AMMECR1: variants seen among roughly 807,000 people sequenced by gnomAD.
AMMECR1 encodes nuclear protein AMMECR1.
Under a neutral mutation model 22.5 loss-of-function variants are expected in AMMECR1, and 3 were observed. That is an observed-to-expected ratio of 0.13 (90% CI 0.06 to 0.35). The LOEUF (loss-of-function observed/expected upper bound fraction) is 0.35. AMMECR1 is among the 10% of genes least tolerant of loss of function. AMMECR1 has a pLI of 1.00. For missense variants in AMMECR1, 235 were observed against 278.7 expected, an observed-to-expected ratio of 0.84 and a Z score of 1.12; for synonymous variants, 130 against 116.7, an observed-to-expected ratio of 1.11 and a Z score of -0.74.
At chrX:110,307,192 G>A (rs1385676440) in intron 1 of AMMECR1, 1 of 106,627 alleles carries the variant, frequency 9.4e-6, no homozygotes, top group Admixed American at 1.0e-4. Flanking sequence ...GTTGCAGTGA[G>A]CCGAAATCAT....
intron 2 of AMMECR1, among the ~76,000 whole-genome samples, chrX:110,426,361 C>T (rs761529466): frequency 9.8e-5 from 11 of 111,974 alleles, no homozygotes; most frequent in East Asian, 8.4e-4. Context: ...TTATCCCATC[C>T]ATCATTCCTG....
At chrX:110,214,811 T>C (rs2067465412) in intron 3 of AMMECR1, among the ~76,000 whole-genome samples, 1 of 111,428 alleles carries the variant, frequency 9.0e-6, no homozygotes, top group Non-Finnish European at 1.9e-5. Context: ...TCATCCCCCT[T>C]GGATCTCAGG....
chrX:110,243,943 A>T (rs1167587665), intron 2 of AMMECR1, among the ~76,000 whole-genome samples: 1 of 112,165 alleles, frequency 8.9e-6, no homozygotes, highest in Non-Finnish European at 1.9e-5. Context: ...AATTCAGAAA[A>T]AGATAATCTA....
intron 1 of AMMECR1, among the ~76,000 whole-genome samples, chrX:110,310,310 C>T (rs2068018046): frequency 8.9e-6 from 1 of 111,753 alleles, no homozygotes; most frequent in Non-Finnish European, 1.9e-5. Context: ...GTTCCCCAGG[C>T]TTATGAACTC....
chrX:110,414,890 C>A (rs1449544835), intron 2 of AMMECR1, among the ~76,000 whole-genome samples: 2 of 112,245 alleles, frequency 1.8e-5, no homozygotes, highest in Non-Finnish European at 3.8e-5. Context: ...CTACCACTTG[C>A]CCATGCAGTC....
chrX:110,291,921 T>G (rs1404392685), intron 1 of AMMECR1, among the ~76,000 whole-genome samples: 1 of 111,817 alleles, frequency 8.9e-6, no homozygotes, highest in Non-Finnish European at 1.9e-5. Context: ...AATACTACAA[T>G]TTTAATGCCC....
rs139352119 is a variant in AMMECR1, at chrX:110,300,068, T to C, written c.473+17531A>G. On this transcript the variant is annotated intron_variant, in intron 1 of 5. Transcript: ENST00000262844. ...AAGTGAGATTGCTGGATTGATCATA[T>C]AGTAGTTCTATTTCCAATTTTCTGA... Among the ~76,000 whole-genome samples the C allele has an allele frequency of 7.0e-3, 792 of 112,417 alleles. 5 individuals carry two copies. The highest frequency in any genetic ancestry group is 0.012 in the Non-Finnish European group (646 of 53,164).
At chrX:110,422,003 T>C (rs1459569859) in intron 2 of AMMECR1, among the ~76,000 whole-genome samples, 3 of 113,227 alleles carry the variant, frequency 2.6e-5, no homozygotes, top group Non-Finnish European at 5.6e-5. Flanking sequence ...TTGGTATTTG[T>C]TTTATTCTAA....
chrX:110,303,396 A>C (rs762325258), intron 1 of AMMECR1, among the ~76,000 whole-genome samples: 2 of 111,933 alleles, frequency 1.8e-5, no homozygotes, highest in South Asian at 7.5e-4. Flanking sequence ...TCTGTGAAAA[A>C]TGAAGTTGAA....
chrX:110,379,051 C>A (rs2068399502), intron 2 of AMMECR1, among the ~76,000 whole-genome samples: 1 of 112,120 alleles, frequency 8.9e-6, no homozygotes, highest in East Asian at 2.8e-4. Flanking sequence ...ATTTTTCTCA[C>A]TACTCAAATA....
At chrX:110,349,573 C>T (rs1001890799) in intron 2 of AMMECR1, among the ~76,000 whole-genome samples, 7 of 111,758 alleles carry the variant, frequency 6.3e-5, no homozygotes, top group African/African-American at 2.3e-4. Context: ...GAATTTCAAC[C>T]TGGATTTATC....
chrX:110,198,783 G>GT (rs1377291430), intron 5 of AMMECR1, 149 bp from the exon 6 acceptor site: 19 of 439,786 alleles, frequency 4.3e-5, no homozygotes, highest in Non-Finnish European at 7.2e-5. Flanking sequence ...CACAGAGATA[G>GT]TAAGTAGCAA....
chrX:110,265,970 C>A (rs901304976), intron 1 of AMMECR1, among the ~76,000 whole-genome samples: 3 of 111,527 alleles, frequency 2.7e-5, no homozygotes, highest in African/African-American at 9.8e-5. Context: ...CTAAGAGTTA[C>A]CATCTTCCAA....
At chrX:110,359,631 A>T (rs917323598) in intron 2 of AMMECR1, among the ~76,000 whole-genome samples, 1 of 111,745 alleles carries the variant, frequency 8.9e-6, no homozygotes, top group Non-Finnish European at 1.9e-5. Flanking sequence ...CTATTCATTA[A>T]TTAATTTATT....
intron 1 of AMMECR1, among the ~76,000 whole-genome samples, chrX:110,311,533 A>G (rs2068023335): frequency 9.0e-6 from 1 of 111,230 alleles, no homozygotes; most frequent in South Asian, 3.8e-4. Flanking sequence ...CCAATGACAT[A>G]TAATTTCCAC....
Position 110,233,024 on chromosome X carries a change from C to CA in AMMECR1, c.585-16393dup, listed in dbSNP as rs778373848. ...AGAGAGACACACAAAAAAACCCCTT[C>CA]AAAAAAATCAATGAATCCAGGAGCT... On this transcript the variant is annotated intron_variant, in intron 2 of 5. Transcript: ENST00000262844. Among the ~76,000 whole-genome samples the CA allele has an allele frequency of 2.8e-5, 3 of 107,189 alleles. No homozygotes were observed. In the East Asian group the frequency reaches 8.8e-4, roughly 32 times the overall value. 93.1% of individuals were successfully genotyped at this position (107,189 alleles called of 115,157 possible).
chrX:110,323,455 T>A (rs1460048348), intron 2 of AMMECR1, among the ~76,000 whole-genome samples: 1 of 112,108 alleles, frequency 8.9e-6, no homozygotes, highest in Non-Finnish European at 1.9e-5. Context: ...CCTTTCTGTC[T>A]CTATGGATTT....
At position 110,426,002 on chromosome X, in the gene AMMECR1, GCACA is replaced by G. The variant is rs201141674; in HGVS notation, c.-148+652_-148+655del. Among the ~76,000 whole-genome samples, 11 of 107,518 alleles carry G rather than the reference GCACA, an allele frequency of 1.0e-4. No individual in the cohort carries two copies. The South Asian group carries it at 1.6e-3, about 15-fold the overall frequency. The allele number at this position is 107,518 out of a possible 115,157, so 93.4% of individuals were successfully genotyped here. A position where few individuals can be genotyped will look rare whatever the true frequency, so the allele number is the denominator to read the frequency against. Reference sequence around the variant, plus strand: ...CGCGCACACACACACACACACAAACGCACACACACACACACACACATCCTGCATG... The same window carrying G: ...CGCGCACACACACACACACACAAACGCACACACACACACACATCCTGCATG... On this transcript the variant is annotated intron_variant, in intron 2 of 7. Coordinates refer to the AMMECR1 transcript ENST00000372057.
At chrX:110,249,960 A>G (rs1320273986) in intron 2 of AMMECR1, among the ~76,000 whole-genome samples, 2 of 111,074 alleles carry the variant, frequency 1.8e-5, no homozygotes, top group African/African-American at 6.6e-5. Flanking sequence ...GAAAGGGGAA[A>G]TCTAAGGTTT....
Sources: allele counts gnomAD v4.1 joint callset (sites outside exome capture counted in the v4.1 genomes callset), GRCh38; gene constraint gnomAD v4.1.1; transcripts MANE v1.5; gene names NCBI Gene and HGNC (gene_info 2026-07-23, HGNC 2026-07-21).